ST3GAL1: variants seen among roughly 807,000 people sequenced by gnomAD.
The protein encoded by ST3GAL1 is CMP-N-acetylneuraminate-beta-galactosamide-alpha-2,3-sialyltransferase 1.
In ST3GAL1, 16 loss-of-function variants were observed where a neutral mutation model predicts 34.1. The observed-to-expected ratio is 0.47, with a 90% confidence interval of 0.32 to 0.71. ST3GAL1 has a LOEUF of 0.71. Among genes scored for constraint, ST3GAL1 ranks in the 30% least tolerant of loss-of-function variants. ST3GAL1 has a pLI of 0.04. For missense variants in ST3GAL1, 353 were observed against 447.4 expected (o/e 0.79, Z 1.90); for synonymous variants, 191 against 184.7 (o/e 1.03, Z -0.28).
Position 133,462,103 on chromosome 8 carries a change from TAATA to T in ST3GAL1, c.730-113_730-110del. 2.0e-6 allele frequency: 3 copies of T among 1,507,484 alleles called. No individual in the cohort carries two copies. The South Asian group carries it at 3.7e-5, about 19-fold the overall frequency. The allele number at this position is 1,507,484 out of a possible 1,614,324, so 93.4% of individuals were successfully genotyped here. A position where few individuals can be genotyped will look rare whatever the true frequency, so the allele number is the denominator to read the frequency against. On this transcript the variant is annotated intron_variant, in intron 8 of 9. Coordinates refer to ENST00000522652, the MANE Select transcript of ST3GAL1 (RefSeq NM_173344.3). ...GGCCATGGAGGCACAGCCATGAGCC[TAATA>T]GATACGCCTGCACTTGTGGGCTTCC... is the stretch of plus-strand genomic sequence containing the variant.
intron 3 of ST3GAL1, among the ~76,000 whole-genome samples, chr8:133,494,134 G>T (rs947473182): frequency 1.3e-5 from 2 of 152,158 alleles, no homozygotes; most frequent in Non-Finnish European, 2.9e-5. Context: ...TCTTATTAAC[G>T]CAGAGAATAA....
chr8:133,485,917 A>G (rs1326067929), intron 3 of ST3GAL1, among the ~76,000 whole-genome samples: 1 of 152,198 alleles, frequency 6.6e-6, no homozygotes, highest in Non-Finnish European at 1.5e-5. Context: ...AGCGGGGGTT[A>G]AAAACCATCC....
intron 3 of ST3GAL1, among the ~76,000 whole-genome samples, chr8:133,493,983 T>C (rs1816866094): frequency 6.6e-6 from 1 of 152,174 alleles, no homozygotes; most frequent in Admixed American, 6.5e-5. Flanking sequence ...AGGAAGACGC[T>C]GGCAGGCACA....
At chr8:133,540,910 T>C (rs138457745) in intron 2 of ST3GAL1, among the ~76,000 whole-genome samples, 1 of 31,188 alleles carries the variant, frequency 3.2e-5, no homozygotes, top group Non-Finnish European at 5.9e-5. Flanking sequence ...TATATAGACA[T>C]ATATATAGAC....
chr8:133,549,682 G>A lies in ST3GAL1; in HGVS notation c.-581-3756C>T, dbSNP rs553592329. ...AGGCTTATCTTAAAAACTAGAACTC[G>A]CCAGGCGTGGTGGCTCACGCCTGTA... On this transcript the variant is annotated intron_variant, in intron 1 of 9. Transcript: ENST00000522652. Among the ~76,000 whole-genome samples, 8 of 152,216 alleles carry A rather than the reference G, an allele frequency of 5.3e-5. No homozygotes were observed. The South Asian group carries it at 1.0e-3, about 20-fold the overall frequency.
At chr8:133,543,132 C>CA in intron 2 of ST3GAL1, among the ~76,000 whole-genome samples, 1 of 152,214 alleles carries the variant, frequency 6.6e-6, no homozygotes, top group African/African-American at 2.4e-5. Flanking sequence ...ACCAGTGCCT[C>CA]TTGATACAAT....
intron 3 of ST3GAL1, among the ~76,000 whole-genome samples, chr8:133,498,726 A>G (rs564501125): frequency 1.1e-3 from 163 of 152,330 alleles, no homozygotes; most frequent in Non-Finnish European, 1.8e-3. Flanking sequence ...GCTGAGGCAG[A>G]ATGTGAGGCA....
At chr8:133,519,323 C>T (rs1429628420) in intron 2 of ST3GAL1, among the ~76,000 whole-genome samples, 2 of 152,138 alleles carry the variant, frequency 1.3e-5, no homozygotes, top group Non-Finnish European at 2.9e-5. Context: ...TCATTAGCCA[C>T]ACTAGCTAAT....
intron 2 of ST3GAL1, chr8:133,515,746 AC>A (rs1286786279): frequency 1.3e-5 from 2 of 152,198 alleles, no homozygotes; most frequent in Admixed American, 1.3e-4. Flanking sequence ...ATGAATTGGT[AC>A]TCAGTTAAAC....
chr8:133,531,080 C>T (rs1402153205), intron 2 of ST3GAL1, among the ~76,000 whole-genome samples: 1 of 151,570 alleles, frequency 6.6e-6, no homozygotes, highest in Non-Finnish European at 1.5e-5. Flanking sequence ...CAGTGGCTGT[C>T]CCCCGCTCTT....
At chr8:133,497,836 A>G (rs2130989283) in intron 3 of ST3GAL1, among the ~76,000 whole-genome samples, 1 of 152,166 alleles carries the variant, frequency 6.6e-6, no homozygotes, top group East Asian at 1.9e-4. Context: ...GGAGGTAACT[A>G]AGGAAGGGAT....
chr8:133,526,260 C>T (rs1057491441), intron 2 of ST3GAL1, among the ~76,000 whole-genome samples: 8 of 152,226 alleles, frequency 5.3e-5, no homozygotes, highest in African/African-American at 7.2e-5. Context: ...CTCCTAGACA[C>T]TAGAGCCCCC....
At chr8:133,526,196 A>G (rs577654965) in intron 2 of ST3GAL1, among the ~76,000 whole-genome samples, 138 of 152,330 alleles carry the variant, frequency 9.1e-4, no homozygotes, top group African/African-American at 3.2e-3. Context: ...AGGCAAGCTC[A>G]AGAGCTGAGG....
rs1034015117 is a variant in ST3GAL1, at chr8:133,467,678, G to A, written c.307-1588C>T. The stretch of plus-strand genomic sequence containing the variant: ...CCCATCGGCTACTCCGGGCCCCAGG[G>A]GCAAGGGGTGGCTGGGAGAGGAAGG... On this transcript the variant is annotated intron_variant, in intron 5 of 9. Transcript: ENST00000522652. This position sits in a 1 kb window ranked among gnomAD's most constrained non-coding sequence, Gnocchi z 4.2. Among the ~76,000 whole-genome samples the A allele has an allele frequency of 6.6e-6, 1 of 152,186 alleles. No homozygotes were observed. Among genetic ancestry groups the A allele is most frequent in the African/African-American group, 2.4e-5 (1 of 41,450 alleles).
At chr8:133,557,256 G>A (rs1211923624) in intron 1 of ST3GAL1, among the ~76,000 whole-genome samples, 2 of 152,190 alleles carry the variant, frequency 1.3e-5, no homozygotes, top group Non-Finnish European at 2.9e-5. Flanking sequence ...AAGGAAGTGA[G>A]GAGACTGTGC....
At chr8:133,540,015 A>C (rs1263735932) in intron 2 of ST3GAL1, among the ~76,000 whole-genome samples, 1 of 152,246 alleles carries the variant, frequency 6.6e-6, no homozygotes, top group Admixed American at 6.5e-5. Context: ...GCTGGAAGGC[A>C]CTCAGTAAGT....
At chr8:133,464,657 G>A (rs907424296) in intron 7 of ST3GAL1, 121 bp downstream of exon 7, 18 of 1,089,366 alleles carry the variant, frequency 1.7e-5, no homozygotes, top group Admixed American at 1.6e-4. Context: ...TGTGTGTGCC[G>A]GAGGAGGCTG....
intron 2 of ST3GAL1, among the ~76,000 whole-genome samples, chr8:133,534,204 T>C (rs1818239489): frequency 6.6e-6 from 1 of 152,174 alleles, no homozygotes. Context: ...CTTCGTCCTC[T>C]TCTTCTGACA....
At chr8:133,529,300 G>A (rs936630230) in intron 2 of ST3GAL1, among the ~76,000 whole-genome samples, 2 of 152,228 alleles carry the variant, frequency 1.3e-5, no homozygotes, top group African/African-American at 4.8e-5. Context: ...GACAGAAAGC[G>A]GGCCAGAGAG....
Sources: gnomAD v4.1 joint callset for allele counts (sites outside exome capture counted in the v4.1 genomes callset) on GRCh38, gnomAD v4.1.1 for gene constraint, Gnocchi (gnomAD v3.1) non-coding constraint, MANE v1.5 for transcripts, NCBI Gene and HGNC (gene_info 2026-07-23, HGNC 2026-07-21) for gene names.